EPB41L4A: variants seen among roughly 807,000 people sequenced by gnomAD.
EPB41L4A encodes erythrocyte membrane protein band 4.1 like 4A, also known as band 4.1-like protein 4A.
EPB41L4A carries 100 observed loss-of-function variants against 108.6 expected under a neutral mutation model. The ratio of observed to expected loss-of-function variants is 0.92; its 90% CI spans 0.78 to 1.09. The LOEUF is 1.09. Among genes scored for constraint, EPB41L4A ranks in the 50% least tolerant of loss-of-function variants. EPB41L4A has a pLI of 0.00. For synonymous variants in EPB41L4A, 319 were observed against 289.0 expected (o/e 1.10, Z -1.05); for missense variants, 1,030 against 842.7 (o/e 1.22, Z -2.75).
chr5:112,243,853 C>T (rs574862398), intron 9 of EPB41L4A, among the ~76,000 whole-genome samples: 1 of 152,316 alleles, frequency 6.6e-6, no homozygotes, highest in Non-Finnish European at 1.5e-5. Context: ...TAAGGAAATG[C>T]TGCAGCTTGT....
chr5:112,247,765 G>C (rs1005958072), intron 9 of EPB41L4A, among the ~76,000 whole-genome samples: 3 of 152,082 alleles, frequency 2.0e-5, no homozygotes, highest in Admixed American at 6.6e-5. Context: ...AAAGTATTCC[G>C]TCTTAAAATA....
Position 112,181,569 on chromosome 5 carries a change from C to T in EPB41L4A, c.1622+2447G>A, listed in dbSNP as rs115756519. Among the ~76,000 whole-genome samples the T allele has an allele frequency of 5.8e-3, 875 of 152,154 alleles. 12 individuals are homozygous for T. The highest frequency in any genetic ancestry group is 0.02 in the African/African-American group (838 of 41,510). ...ACATACTTGTAGAGAATGTCTATAA[C>T]GCAATGGCAAAAACTGGAAACAATT... On this transcript the variant is annotated intron_variant, in intron 18 of 22. Transcript: ENST00000261486.
At chr5:112,325,463 A>G (rs940110920) in intron 1 of EPB41L4A, among the ~76,000 whole-genome samples, 6 of 149,840 alleles carry the variant, frequency 4.0e-5, no homozygotes, top group Non-Finnish European at 8.9e-5. Flanking sequence ...AAAAAAAGGG[A>G]GAGTCAGATA....
At chr5:112,169,245 T>C in intron 20 of EPB41L4A, 140 bp from the exon 21 acceptor site, 1 of 644,988 alleles carries the variant, frequency 1.6e-6, no homozygotes, top group Non-Finnish European at 2.8e-6. Flanking sequence ...TTTGAAAGCC[T>C]GAGTGACTTA....
At chr5:112,412,113 T>C (rs1365357186) in intron 1 of EPB41L4A, among the ~76,000 whole-genome samples, 1 of 152,346 alleles carries the variant, frequency 6.6e-6, no homozygotes, top group Middle Eastern at 3.4e-3. Context: ...TGGTTCCCTC[T>C]GCAGTCTCGG....
At chr5:112,369,370 T>C (rs1759340372) in intron 1 of EPB41L4A, among the ~76,000 whole-genome samples, 1 of 152,184 alleles carries the variant, frequency 6.6e-6, no homozygotes. Flanking sequence ...CCTGACGCAA[T>C]CCAGCAAGAT....
chr5:112,240,706 T>C lies in EPB41L4A; in HGVS notation c.887+13A>G, dbSNP rs1749719745. ...TTATTAAGACAACAAACAAAATTTT[T>C]ACATCAATTTACCTAAAAAATGTAT... On this transcript the variant is annotated intron_variant, in intron 10 of 22. Coordinates refer to ENST00000261486, the MANE Select transcript of EPB41L4A (RefSeq NM_022140.5). The C allele has an allele frequency of 6.8e-7, 1 of 1,465,894 alleles. No individual in the cohort carries two copies. Among genetic ancestry groups the C allele is most frequent in the Non-Finnish European group, 9.2e-7 (1 of 1,091,108 alleles). 90.8% of individuals were successfully genotyped at this position (1,465,894 alleles called of 1,614,324 possible).
intron 1 of EPB41L4A, among the ~76,000 whole-genome samples, chr5:112,374,220 G>A (rs1759666551): frequency 6.6e-6 from 1 of 152,208 alleles, no homozygotes; most frequent in East Asian, 1.9e-4. Context: ...GAAGAAAGGA[G>A]TTCATCTATG....
intron 1 of EPB41L4A, among the ~76,000 whole-genome samples, chr5:112,342,032 G>T (rs1000713121): frequency 6.6e-6 from 1 of 152,064 alleles, no homozygotes; most frequent in African/African-American, 2.4e-5. Context: ...TGGATCAAGA[G>T]AATTCACGAA....
At chr5:112,334,901 T>G (rs1278905555) in intron 1 of EPB41L4A, among the ~76,000 whole-genome samples, 2 of 152,052 alleles carry the variant, frequency 1.3e-5, no homozygotes, top group African/African-American at 4.8e-5. Flanking sequence ...ATATAAGGGG[T>G]CTGGGTATTT....
rs528505053 is a variant in EPB41L4A at position 112,238,353 on chromosome 5, C to A, written c.965+1307G>T. ...TTAAACATTAACATATCAATGAATA[C>A]CTTCATGTAAATTCCAAGAATATCT... On this transcript the variant is annotated intron_variant, in intron 11 of 22. Coordinates refer to ENST00000261486, the MANE Select transcript of EPB41L4A (RefSeq NM_022140.5). Among the ~76,000 whole-genome samples, 6 of 152,256 alleles carry A rather than the reference C, an allele frequency of 3.9e-5. No homozygotes were observed. The South Asian group carries it at 1.0e-3, about 26-fold the overall frequency.
chr5:112,376,118 C>T (rs1005153879), intron 1 of EPB41L4A, among the ~76,000 whole-genome samples: 6 of 152,164 alleles, frequency 3.9e-5, no homozygotes, highest in Non-Finnish European at 8.8e-5. Context: ...AGTTTTCAAA[C>T]TACATATCCA....
intron 1 of EPB41L4A, among the ~76,000 whole-genome samples, chr5:112,401,280 A>C (rs916826198): frequency 3.9e-5 from 6 of 152,180 alleles, no homozygotes; most frequent in Non-Finnish European, 7.4e-5. Context: ...AGACCTTCAG[A>C]GCTAGAAAAA....
chr5:112,277,829 A>G (rs905273701), intron 3 of EPB41L4A, among the ~76,000 whole-genome samples: 4 of 152,242 alleles, frequency 2.6e-5, no homozygotes, highest in African/African-American at 9.6e-5. Flanking sequence ...AAGACTGACT[A>G]CAAAAAAGTA....
chr5:112,388,318 G>A (rs1010380395), intron 1 of EPB41L4A, among the ~76,000 whole-genome samples: 10 of 152,258 alleles, frequency 6.6e-5, no homozygotes, highest in African/African-American at 1.7e-4. Flanking sequence ...AAGGAAGTGC[G>A]GTGAGGCAAG....
intron 2 of EPB41L4A, among the ~76,000 whole-genome samples, chr5:112,280,904 C>T (rs975288667): frequency 1.3e-5 from 2 of 152,192 alleles, no homozygotes; most frequent in Non-Finnish European, 2.9e-5. Context: ...ACCATCTTTG[C>T]TTCCAGTCTC....
At chr5:112,385,207 G>A (rs1001467343) in intron 1 of EPB41L4A, among the ~76,000 whole-genome samples, 16 of 152,104 alleles carry the variant, frequency 1.1e-4, no homozygotes, top group African/African-American at 3.9e-4. Flanking sequence ...GGGAAGTGGT[G>A]CTTCCAGGAA....
At chr5:112,379,178 G>A (rs779995007) in intron 1 of EPB41L4A, among the ~76,000 whole-genome samples, 33 of 152,138 alleles carry the variant, frequency 2.2e-4, no homozygotes, top group Non-Finnish European at 4.1e-4. Flanking sequence ...AATGAAGGCA[G>A]AAAAGCATAT....
At chr5:112,371,478 TCC>T (rs1213303403) in intron 1 of EPB41L4A, among the ~76,000 whole-genome samples, 1 of 152,082 alleles carries the variant, frequency 6.6e-6, no homozygotes, top group Non-Finnish European at 1.5e-5. Flanking sequence ...TGGCCCCACT[TCC>T]CTCCGTTCCT....
Sources: allele counts gnomAD v4.1 joint callset (sites outside exome capture counted in the v4.1 genomes callset), GRCh38; gene constraint gnomAD v4.1.1; transcripts MANE v1.5; gene names NCBI Gene and HGNC (gene_info 2026-07-23, HGNC 2026-07-21).